Variants in LDLRAD4 observed in about 807,000 individuals in gnomAD.
The protein encoded by LDLRAD4 is low density lipoprotein receptor class A domain containing 4.
In LDLRAD4, 5 loss-of-function variants were observed where a neutral mutation model predicts 17.0. The ratio of observed to expected loss-of-function variants is 0.29; its 90% confidence interval spans 0.15 to 0.62. The LOEUF (loss-of-function observed/expected upper bound fraction) is 0.62, where lower values mean the gene tolerates loss of function less well. LDLRAD4 is among the 20% of genes least tolerant of loss of function. The pLI, the probability that LDLRAD4 is intolerant of heterozygous loss-of-function variation, is 0.84. For synonymous variants in LDLRAD4, 168 were observed against 171.8 expected, an observed-to-expected ratio of 0.98 and a Z score of 0.17; for missense variants, 340 against 424.7, an observed-to-expected ratio of 0.80 and a Z score of 1.75.
intron 3 of LDLRAD4, among the ~76,000 whole-genome samples, chr18:13,527,889 T>G (rs538775470): frequency 6.6e-5 from 10 of 152,152 alleles, no homozygotes; most frequent in Admixed American, 2.0e-4. Context: ...CACCCCCTGC[T>G]TCCCTCGCCA....
intron 3 of LDLRAD4, chr18:13,471,891 A>G (rs74532198): frequency 1.5e-4 from 23 of 152,368 alleles, no homozygotes; most frequent in African/African-American, 5.3e-4. Context: ...TATAAAAAGC[A>G]TTTACCGCAT....
intron 1 of LDLRAD4, among the ~76,000 whole-genome samples, chr18:13,386,475 C>G (rs2085811994): frequency 6.6e-6 from 1 of 151,890 alleles, no homozygotes. Context: ...TCAAGTGATT[C>G]TCCTGCCTCA....
At chr18:13,422,067 T>C (rs1478669530) in intron 2 of LDLRAD4, among the ~76,000 whole-genome samples, 2 of 152,194 alleles carry the variant, frequency 1.3e-5, no homozygotes, top group Non-Finnish European at 2.9e-5. Flanking sequence ...TTGTGAGGGG[T>C]CAGTTACCGT....
At chr18:13,601,736 A>G (rs532873483) in intron 3 of LDLRAD4, among the ~76,000 whole-genome samples, 1 of 152,324 alleles carries the variant, frequency 6.6e-6, no homozygotes, top group African/African-American at 2.4e-5. Flanking sequence ...TTCAGCCACT[A>G]TAGAATGCAG....
intron 1 of LDLRAD4, among the ~76,000 whole-genome samples, chr18:13,290,509 C>T (rs2045903986): frequency 6.6e-6 from 1 of 151,562 alleles, no homozygotes; most frequent in Non-Finnish European, 1.5e-5. Context: ...CACTAATTTG[C>T]TTTCTTCATT....
At chr18:13,436,614 A>T (rs1292823727) in intron 2 of LDLRAD4, among the ~76,000 whole-genome samples, 1 of 152,252 alleles carries the variant, frequency 6.6e-6, no homozygotes, top group African/African-American at 2.4e-5. Context: ...TCTTTTGGAA[A>T]GGAAGATAAA....
At chr18:13,246,890 C>G (rs1448807087) in intron 1 of LDLRAD4, among the ~76,000 whole-genome samples, 1 of 151,670 alleles carries the variant, frequency 6.6e-6, no homozygotes, top group East Asian at 1.9e-4. Flanking sequence ...TCTTTGTAAA[C>G]TAGGTTAATT....
chr18:13,409,261 G>A (rs1394859399), intron 2 of LDLRAD4, among the ~76,000 whole-genome samples: 2 of 152,174 alleles, frequency 1.3e-5, no homozygotes, highest in Non-Finnish European at 2.9e-5. Flanking sequence ...GATTGAGGAG[G>A]GCCTGGAAGG....
At chr18:13,393,790 C>T (rs530876253) in intron 2 of LDLRAD4, among the ~76,000 whole-genome samples, 1 of 152,264 alleles carries the variant, frequency 6.6e-6, no homozygotes, top group South Asian at 2.1e-4. Context: ...CCAGAGTTGC[C>T]TTCCTTCATT....
chr18:13,327,579 A>T (rs1163056068), intron 1 of LDLRAD4, among the ~76,000 whole-genome samples: 5 of 148,030 alleles, frequency 3.4e-5, no homozygotes, highest in African/African-American at 1.2e-4. Flanking sequence ...TGGTGCGTGT[A>T]TTTTTTTTTT....
Position 13,243,791 on chromosome 18 carries a change from CATCT to C in LDLRAD4, c.-467+24807_-467+24810del, listed in dbSNP as rs1028755639. Among the ~76,000 whole-genome samples the C allele has an allele frequency of 2.7e-4, 41 of 150,950 alleles. 2 individuals carry two copies. The highest frequency in any genetic ancestry group is 6.6e-5 in the Admixed American group (1 of 15,176). On this transcript the variant is annotated intron_variant, in intron 1 of 5. Coordinates refer to the LDLRAD4 transcript ENST00000399848. ...TTACCCATCCATCCGTCTACCCATC[CATCT>C]ATCATCTCCCCAGCTACCACCTACC...
At chr18:13,274,789 C>T (rs2146180922), upstream of LDLRAD4, among the ~76,000 whole-genome samples, 1 of 152,258 alleles carries the variant, frequency 6.6e-6, no homozygotes, top group African/African-American at 2.4e-5. Flanking sequence ...GTAGCAGGAA[C>T]TGTGTATGTG....
chr18:13,441,900 C>T (rs1193759977), intron 3 of LDLRAD4, among the ~76,000 whole-genome samples: 1 of 152,076 alleles, frequency 6.6e-6, no homozygotes, highest in Admixed American at 6.5e-5. Context: ...GCTGAGAGAC[C>T]AAAGGGTTTT....
chr18:13,557,212 C>T (rs2094492834), intron 3 of LDLRAD4, among the ~76,000 whole-genome samples: 1 of 152,196 alleles, frequency 6.6e-6, no homozygotes, highest in South Asian at 2.1e-4. Flanking sequence ...CCAGGAGGAT[C>T]ACTTGAGCCC....
chr18:13,360,276 A>C (rs1026966250), intron 1 of LDLRAD4, among the ~76,000 whole-genome samples: 2 of 152,248 alleles, frequency 1.3e-5, no homozygotes, highest in African/African-American at 2.4e-5. Context: ...GTTTCAGACC[A>C]ATAATAAAAT....
intron 3 of LDLRAD4, among the ~76,000 whole-genome samples, chr18:13,450,326 A>AACCC (rs1555691797): frequency 2.9e-4 from 20 of 68,048 alleles, no homozygotes; most frequent in South Asian, 1.3e-3. Context: ...CTCTCCCCCC[A>AACCC]CCCCCCCCCC....
At position 13,387,763 on chromosome 18, in the gene LDLRAD4, G is replaced by T; in HGVS notation, c.40+1G>T. ...TTTCAGGCCACAAATGCTTTCACAG[G>T]TGAGCATGCTCCAGGTAATCCGAGG... On this transcript the variant is annotated splice_donor_variant, in intron 2 of 5. Transcript: ENST00000359446. LOFTEE classifies it high-confidence loss of function. The T allele has an allele frequency of 6.2e-7, 1 of 1,613,668 alleles. No individual in the cohort carries two copies. Among genetic ancestry groups the T allele is most frequent in the Non-Finnish European group, 8.5e-7 (1 of 1,179,568 alleles).
chr18:13,321,861 CAAA>C (rs57033432), intron 1 of LDLRAD4, among the ~76,000 whole-genome samples: 2 of 62,142 alleles, frequency 3.2e-5, no homozygotes, highest in African/African-American at 6.4e-5. Context: ...GACTCCGTCT[CAAA>C]AAAAAAAAAA....
intron 3 of LDLRAD4, chr18:13,470,865 C>A (rs565597734): frequency 1.2e-5 from 1 of 84,684 alleles, no homozygotes; most frequent in Admixed American, 1.5e-4. Flanking sequence ...AGAGTGCCCA[C>A]AAAGACCCCT....
Sources: allele counts gnomAD v4.1 joint callset (sites outside exome capture counted in the v4.1 genomes callset), GRCh38; gene constraint gnomAD v4.1.1; transcripts MANE v1.5; gene names NCBI Gene and HGNC (gene_info 2026-07-23, HGNC 2026-07-21).